The following PHF2 variants were observed in gnomAD, a reference collection of about 807,000 sequenced individuals.
The protein encoded by PHF2 is lysine-specific demethylase PHF2.
PHF2 carries 27 observed loss-of-function variants against 120.5 expected under a neutral mutation model. The observed-to-expected ratio is 0.22, with a 90% confidence interval of 0.17 to 0.31. The LOEUF is 0.31. Among genes scored for constraint, PHF2 ranks in the 10% least tolerant of loss-of-function variants. The probability of loss-of-function intolerance (pLI) is 1.00; values close to 1 mark genes in which losing one functional copy is unlikely to be tolerated. For missense variants in PHF2, 1,024 were observed against 1,434.8 expected, an observed-to-expected ratio of 0.71 and a Z score of 4.63; for synonymous variants, 568 against 592.5, an observed-to-expected ratio of 0.96 and a Z score of 0.60.
intron 3 of PHF2, 113 bp downstream of exon 3, chr9:93,636,638 A>C (rs1826099136): frequency 1.3e-6 from 1 of 785,244 alleles, no homozygotes; most frequent in African/African-American, 1.7e-5. Flanking sequence ...CTTGCTGGAA[A>C]GCAGGAAGCA....
chr9:93,655,809 G>T (rs1826448677), intron 7 of PHF2, 125 bp from the exon 8 acceptor site: 4 of 667,164 alleles, frequency 6.0e-6, no homozygotes, highest in Non-Finnish European at 1.1e-5. Context: ...AGGCGGGCAG[G>T]AGCTGGAGCC....
intron 5 of PHF2, among the ~76,000 whole-genome samples, chr9:93,650,340 A>G (rs945460704): frequency 6.6e-6 from 1 of 152,148 alleles, no homozygotes; most frequent in African/African-American, 2.4e-5. Context: ...CACATCCCTG[A>G]CACACTGAGA....
chr9:93,629,144 G>A (rs182353187), intron 1 of PHF2, among the ~76,000 whole-genome samples: 13 of 152,034 alleles, frequency 8.6e-5, no homozygotes, highest in Non-Finnish European at 1.6e-4. Context: ...CAAGTGATCC[G>A]CCCACCTCGG....
At position 93,665,854 on chromosome 9, in the gene PHF2, G is replaced by A. The variant is rs1385977398; in HGVS notation, c.2106G>A (p.Arg702=). Residue 702 remains arginine, a synonymous_variant, in exon 15 of 22, where the codon AGG becomes AGA. Coordinates refer to ENST00000359246, the MANE Select transcript of PHF2 (RefSeq NM_005392.4). ...GGAGGAAGAAAAACGCCCCGAAAAG[G>A]GACTTGTCCTGTGAGTTGGGAGGGG... ...PIRRKKNAPK[R]DLSFLLDKKA... is the part of the protein sequence containing the mutation. The A allele has an allele frequency of 1.2e-6, 2 of 1,613,344 alleles. No homozygotes were observed. The highest frequency in any genetic ancestry group is 1.3e-5 in the African/African-American group (1 of 74,926).
At chr9:93,667,406 C>T (rs1826703019) in intron 17 of PHF2, among the ~76,000 whole-genome samples, 166 bp downstream of exon 17, 1 of 152,248 alleles carries the variant, frequency 6.6e-6, no homozygotes, top group Admixed American at 6.5e-5. Flanking sequence ...TGGACTGGTT[C>T]GTCCCACTGG....
chr9:93,663,450 A>G lies in PHF2; in HGVS notation c.1819-67A>G, dbSNP rs1200144165. ...CCAGTAGCTGCCTCTTCTCACTGAC[A>G]CTAATTGGGGTCCTGACCCCCCACT... On this transcript the variant is annotated intron_variant, in intron 13 of 21. Coordinates refer to ENST00000359246, the MANE Select transcript of PHF2 (RefSeq NM_005392.4). 11 of 946,164 alleles carry G rather than the reference A, an allele frequency of 1.2e-5. No homozygotes were observed. The East Asian group carries it at 2.7e-4, about 23-fold the overall frequency. 58.6% of individuals were successfully genotyped at this position (946,164 alleles called of 1,614,324 possible).
At chr9:93,618,060 T>C (rs1158393210) in intron 1 of PHF2, among the ~76,000 whole-genome samples, 1 of 152,236 alleles carries the variant, frequency 6.6e-6, no homozygotes, top group East Asian at 1.9e-4. Context: ...CCACACCCAC[T>C]CACCTCTGTG....
chr9:93,643,899 G>A (rs949095114), intron 3 of PHF2, among the ~76,000 whole-genome samples: 1 of 151,856 alleles, frequency 6.6e-6, no homozygotes, highest in East Asian at 1.9e-4. Context: ...GCCTCTTCCT[G>A]TTCCCTCCCA....
At chr9:93,654,773 C>T (rs1277347383) in intron 7 of PHF2, among the ~76,000 whole-genome samples, 198 bp downstream of exon 7, 1 of 152,246 alleles carries the variant, frequency 6.6e-6, no homozygotes, top group East Asian at 1.9e-4. Context: ...TACCGCCACC[C>T]CAGCCCAGTC....
intron 1 of PHF2, among the ~76,000 whole-genome samples, chr9:93,581,545 T>C (rs971406276): frequency 6.6e-6 from 1 of 152,200 alleles, no homozygotes; most frequent in Non-Finnish European, 1.5e-5. Flanking sequence ...TCAGGCCAGC[T>C]TCTAGAGGGT....
Position 93,665,969 on chromosome 9 carries a change from TG to T in PHF2, c.2117-20del, listed in dbSNP as rs1441126932. On this transcript the variant is annotated intron_variant, in intron 15 of 21. Coordinates refer to ENST00000359246, the MANE Select transcript of PHF2 (RefSeq NM_005392.4). The stretch of plus-strand genomic sequence containing the variant: ...CTCCCCGCAAGGCCTCCCGCTGGAC[TG>T]CCATCTGCTGTGCTTTCAGTCTTGT... 4 of 1,612,856 alleles carry T rather than the reference TG, an allele frequency of 2.5e-6. No individual in the cohort carries two copies. Among genetic ancestry groups the T allele is most frequent in the Non-Finnish European group, 3.4e-6 (4 of 1,179,420 alleles).
intron 3 of PHF2, among the ~76,000 whole-genome samples, chr9:93,639,087 G>C (rs1826136887): frequency 1.3e-5 from 2 of 152,258 alleles, no homozygotes; most frequent in African/African-American, 4.8e-5. Context: ...GAATTTTAAG[G>C]TCAGCTTGTC....
At chr9:93,660,663 C>G in intron 12 of PHF2, 103 bp downstream of exon 12, 9 of 1,111,300 alleles carry the variant, frequency 8.1e-6, no homozygotes, top group Non-Finnish European at 1.1e-5. Flanking sequence ...TGTCCTTGTT[C>G]CCCAGGGGCC....
At position 93,655,922 on chromosome 9, in the gene PHF2, T is replaced by C; in HGVS notation, c.953-12T>C. 6.2e-7 allele frequency: 1 copy of C among 1,606,766 alleles called. No individual in the cohort carries two copies. Among genetic ancestry groups the C allele is most frequent in the Non-Finnish European group, 8.5e-7 (1 of 1,175,782 alleles). The stretch of plus-strand genomic sequence containing the variant: ...CAAGGTGGGGCACCAGCCACTCCTG[T>C]CTCTCTCCCAGGCTGGATCTACGCC... On this transcript the variant is annotated splice_polypyrimidine_tract_variant and intron_variant, in intron 7 of 21. Coordinates refer to ENST00000359246, the MANE Select transcript of PHF2 (RefSeq NM_005392.4).
At chr9:93,577,791 C>T (rs1217528265) in intron 1 of PHF2, among the ~76,000 whole-genome samples, 2 of 152,214 alleles carry the variant, frequency 1.3e-5, no homozygotes, top group African/African-American at 4.8e-5. Context: ...GGCCCCATGC[C>T]TAGGGCAGGT....
Position 93,656,094 on chromosome 9 carries a change from A to G in PHF2, c.1040+73A>G. ...CTCCCTCTAGCTGGGTCGGTGCTAG[A>G]TGCCTTGGGCTGAGTCCTGGCACAG... is the stretch of plus-strand genomic sequence containing the variant. On this transcript the variant is annotated intron_variant, in intron 8 of 21. Coordinates refer to ENST00000359246, the MANE Select transcript of PHF2 (RefSeq NM_005392.4). The surrounding 1 kb of genome is among the most constrained non-coding windows in gnomAD (Gnocchi z 4.1). The G allele has an allele frequency of 1.5e-6, 2 of 1,300,088 alleles. No individual in the cohort carries two copies. Among genetic ancestry groups the G allele is most frequent in the South Asian group, 1.3e-5 (1 of 77,290 alleles). 80.5% of individuals were successfully genotyped at this position (1,300,088 alleles called of 1,614,324 possible). A position where few individuals can be genotyped will look rare whatever the true frequency, so the allele number is the denominator to read the frequency against.
At chr9:93,596,048 C>T (rs534040011) in intron 1 of PHF2, among the ~76,000 whole-genome samples, 21 of 152,294 alleles carry the variant, frequency 1.4e-4, no homozygotes, top group African/African-American at 4.8e-4. Context: ...AACTGCCCTC[C>T]CGGCTCCACT....
At chr9:93,630,448 A>G (rs534758197) in intron 2 of PHF2, among the ~76,000 whole-genome samples, 49 of 152,314 alleles carry the variant, frequency 3.2e-4, no homozygotes, top group African/African-American at 1.1e-3. Flanking sequence ...CGGGGGGCCC[A>G]GCCTGTCTGT....
chr9:93,633,521 GT>G (rs1201944065), intron 2 of PHF2, among the ~76,000 whole-genome samples: 3 of 152,220 alleles, frequency 2.0e-5, no homozygotes, highest in African/African-American at 7.2e-5. Context: ...CAGTGGGTGT[GT>G]TGTCACAGGG....
Sources: gnomAD v4.1 joint callset for allele counts (sites outside exome capture counted in the v4.1 genomes callset) on GRCh38, gnomAD v4.1.1 for gene constraint, Gnocchi (gnomAD v3.1) non-coding constraint, MANE v1.5 for transcripts, NCBI Gene and HGNC (gene_info 2026-07-23, HGNC 2026-07-21) for gene names.